LAMA2: variants seen among roughly 807,000 people sequenced by gnomAD.
LAMA2 encodes laminin subunit alpha-2.
In LAMA2, 269 loss-of-function variants were observed where a neutral mutation model predicts 364.8. The observed-to-expected ratio is 0.74, with a 90% CI of 0.67 to 0.82. LAMA2 has a LOEUF of 0.82. Ranked by LOEUF, LAMA2 falls within the 40% of genes least tolerant of loss-of-function variation. The pLI is 0.00. For synonymous variants in LAMA2, 1,379 were observed against 1,370.6 expected, an observed-to-expected ratio of 1.01 and a Z score of -0.14; for missense variants, 3,807 against 3,873.2, an observed-to-expected ratio of 0.98 and a Z score of 0.45.
chr6:128,947,201 A>G (rs1780534948), intron 1 of LAMA2, among the ~76,000 whole-genome samples: 1 of 152,224 alleles, frequency 6.6e-6, no homozygotes, highest in Admixed American at 6.5e-5. Flanking sequence ...TACAATGTGA[A>G]GAAAGAAACA....
At chr6:129,260,657 G>A (rs1022096912) in intron 14 of LAMA2, 54 bp from the exon 15 acceptor site, 4 of 1,059,534 alleles carry the variant, frequency 3.8e-6, no homozygotes, top group Non-Finnish European at 4.4e-6. Context: ...TCCTACAGCT[G>A]TATAATACCT....
chr6:128,896,290 T>C (rs1356969111), intron 1 of LAMA2, among the ~76,000 whole-genome samples: 1 of 152,124 alleles, frequency 6.6e-6, no homozygotes, highest in Non-Finnish European at 1.5e-5. Context: ...AGATTTTGTA[T>C]TTAACAGACT....
intron 14 of LAMA2, among the ~76,000 whole-genome samples, chr6:129,254,941 A>G (rs1484710631): frequency 2.0e-5 from 3 of 152,086 alleles, no homozygotes; most frequent in African/African-American, 4.8e-5. Context: ...CAAATTTCCA[A>G]TCTCATCTAT....
intron 34 of LAMA2, among the ~76,000 whole-genome samples, chr6:129,372,210 G>A (rs753376330): frequency 6.6e-6 from 1 of 151,954 alleles, no homozygotes. Flanking sequence ...ACATTCTATG[G>A]GTTTGGAAAA....
intron 6 of LAMA2, among the ~76,000 whole-genome samples, chr6:129,148,251 G>A (rs1778587725): frequency 6.6e-6 from 1 of 152,044 alleles, no homozygotes; most frequent in South Asian, 2.1e-4. Context: ...ACTAACACAG[G>A]AACAGAAAAC....
intron 51 of LAMA2, among the ~76,000 whole-genome samples, chr6:129,469,906 G>A (rs1295109751): frequency 6.6e-6 from 1 of 151,810 alleles, no homozygotes; most frequent in Non-Finnish European, 1.5e-5. Context: ...CTAATCTATA[G>A]TCACAGAAAG....
rs1276580763 is a variant in LAMA2 at position 129,287,715 on chromosome 6, CGTTGCGTTTGAGAAAAG to C, written c.2538-130_2538-114del. 17 of 802,436 alleles carry C rather than the reference CGTTGCGTTTGAGAAAAG, an allele frequency of 2.1e-5. No individual in the cohort carries two copies. The East Asian group carries it at 4.1e-4, about 20-fold the overall frequency. 49.7% of individuals were successfully genotyped at this position (802,436 alleles called of 1,614,324 possible). On this transcript the variant is annotated intron_variant, in intron 18 of 64. Transcript: ENST00000421865. ...TTGTAGAAAAACATTTTTTTAATCA[CGTTGCGTTTGAGAAAAG>C]GAACACTTAAAAGGAAAATCCATCA...
chr6:129,175,848 A>C (rs1780551945), intron 9 of LAMA2, among the ~76,000 whole-genome samples: 1 of 152,208 alleles, frequency 6.6e-6, no homozygotes, highest in Non-Finnish European at 1.5e-5. Flanking sequence ...AATAATAAAA[A>C]AAATTAACTA....
At chr6:129,291,754 C>A in intron 20 of LAMA2, 34 bp downstream of exon 20, 1 of 1,405,394 alleles carries the variant, frequency 7.1e-7, no homozygotes, top group Non-Finnish European at 1.0e-6. Flanking sequence ...AAATTACTTT[C>A]TCCTTACAGA....
chr6:129,379,325 T>G (rs1778549547), intron 34 of LAMA2, among the ~76,000 whole-genome samples: 1 of 138,398 alleles, frequency 7.2e-6, no homozygotes, highest in African/African-American at 3.1e-5. Context: ...ATGCATGGGT[T>G]TTTTTTTTTT....
intron 40 of LAMA2, among the ~76,000 whole-genome samples, chr6:129,406,420 A>G (rs1023717344): frequency 1.3e-5 from 2 of 152,176 alleles, no homozygotes; most frequent in African/African-American, 4.8e-5. Flanking sequence ...AACAAATGCT[A>G]TTTTTCTATT....
chr6:129,265,424 G>C (rs1438433984), intron 15 of LAMA2, among the ~76,000 whole-genome samples: 1 of 152,108 alleles, frequency 6.6e-6, no homozygotes, highest in Admixed American at 6.6e-5. Flanking sequence ...ATGAATATCT[G>C]TCTGAAAACA....
chr6:128,973,221 T>C (rs774588514), intron 1 of LAMA2, among the ~76,000 whole-genome samples: 13 of 152,204 alleles, frequency 8.5e-5, no homozygotes, highest in South Asian at 2.1e-4. Flanking sequence ...GCTCCAGTGA[T>C]AATGAGCCCA....
At chr6:128,961,909 G>C (rs1168597748) in intron 1 of LAMA2, among the ~76,000 whole-genome samples, 2 of 151,462 alleles carry the variant, frequency 1.3e-5, no homozygotes, top group Non-Finnish European at 2.9e-5. Flanking sequence ...AGATTTTGCA[G>C]CCTCAACACT....
intron 58 of LAMA2, among the ~76,000 whole-genome samples, chr6:129,494,560 T>C (rs1366035851): frequency 6.6e-6 from 1 of 152,240 alleles, no homozygotes; most frequent in Non-Finnish European, 1.5e-5. Flanking sequence ...TTCATATCTG[T>C]TATTTCATTT....
At position 129,281,492 on chromosome 6, in the gene LAMA2, A is replaced by G. The variant is rs1583407991; in HGVS notation, c.2537+1345A>G. Among the ~76,000 whole-genome samples, 3 of 152,188 alleles carry G rather than the reference A, an allele frequency of 2.0e-5. No individual in the cohort carries two copies. In the South Asian group the frequency reaches 6.2e-4, roughly 31 times the overall value. On this transcript the variant is annotated intron_variant, in intron 18 of 64. Coordinates refer to ENST00000421865, the MANE Select transcript of LAMA2 (RefSeq NM_000426.4). ...TTAGACAATAGTTTCTGAACCATCT[A>G]TAATTTAAAACCCTACATTTTATTT... is the stretch of plus-strand genomic sequence containing the variant.
intron 34 of LAMA2, among the ~76,000 whole-genome samples, chr6:129,374,494 T>A (rs7758642): frequency 0.34 from 51,242 of 151,970 alleles, 8,921 homozygotes; most frequent in East Asian, 0.49. Flanking sequence ...CAGATTATAC[T>A]GATAAAGAAT....
At chr6:129,328,850 C>A (rs1362048395) in intron 29 of LAMA2, among the ~76,000 whole-genome samples, 1 of 152,130 alleles carries the variant, frequency 6.6e-6, no homozygotes, top group Admixed American at 6.5e-5. Context: ...TTATATAACA[C>A]CATGGATGCA....
At chr6:129,157,825 A>G in intron 8 of LAMA2, 1 of 1,613,822 alleles carries the variant, frequency 6.2e-7, no homozygotes, top group East Asian at 2.2e-5. Flanking sequence ...ATTAGGCCGA[A>G]GCTGTAGATA....
Sources: gnomAD v4.1 joint callset for allele counts (sites outside exome capture counted in the v4.1 genomes callset) on GRCh38, gnomAD v4.1.1 for gene constraint, MANE v1.5 for transcripts, NCBI Gene and HGNC (gene_info 2026-07-23, HGNC 2026-07-21) for gene names.